The following ACAP2 variants were observed in gnomAD, a reference collection of about 807,000 sequenced individuals.
ACAP2 encodes the protein arf-GAP with coiled-coil, ANK repeat and PH domain-containing protein 2.
A neutral mutation model predicts 115.8 loss-of-function variants in ACAP2; 39 were observed. That is an observed-to-expected ratio of 0.34 (90% CI 0.26 to 0.44). The LOEUF (loss-of-function observed/expected upper bound fraction) is 0.44. Among genes scored for constraint, ACAP2 ranks in the 20% least tolerant of loss-of-function variants. The pLI is 1.00. For missense variants in ACAP2, 662 were observed against 927.6 expected, an observed-to-expected ratio of 0.71 and a Z score of 3.72; for synonymous variants, 289 against 315.8, an observed-to-expected ratio of 0.92 and a Z score of 0.90.
intron 10 of ACAP2, among the ~76,000 whole-genome samples, chr3:195,317,264 T>C (rs1389507363): frequency 6.6e-6 from 1 of 152,164 alleles, no homozygotes; most frequent in African/African-American, 2.4e-5. Context: ...AAACCCATTT[T>C]AATAAAACAT....
At chr3:195,320,662 A>C in intron 10 of ACAP2, 39 bp downstream of exon 10, 1 of 1,434,114 alleles carries the variant, frequency 7.0e-7, no homozygotes, top group Non-Finnish European at 9.8e-7. Context: ...GAAAATCAAA[A>C]CTATGTATAG....
intron 1 of ACAP2, among the ~76,000 whole-genome samples, chr3:195,438,730 C>CT (rs1022010058): frequency 8.6e-5 from 13 of 152,030 alleles, no homozygotes; most frequent in Admixed American, 8.5e-4. Flanking sequence ...CACAAACACC[C>CT]TTTTTAAAAA....
intron 4 of ACAP2, among the ~76,000 whole-genome samples, chr3:195,345,614 T>C (rs1731145169): frequency 6.6e-6 from 1 of 152,180 alleles, no homozygotes; most frequent in South Asian, 2.1e-4. Flanking sequence ...ATTCAGGCTT[T>C]GGAAGACAAC....
At chr3:195,318,459 A>G (rs753355550) in intron 10 of ACAP2, among the ~76,000 whole-genome samples, 6 of 152,200 alleles carry the variant, frequency 3.9e-5, no homozygotes, top group Non-Finnish European at 5.9e-5. Context: ...GATATGGACA[A>G]TGTAGTCCAG....
rs1407584887 is a variant in ACAP2 at position 195,341,948 on chromosome 3, CA to C, written c.528+522del. On this transcript the variant is annotated intron_variant, in intron 6 of 22. Transcript: ENST00000326793. The stretch of plus-strand genomic sequence containing the variant: ...AAGTAGGAGCTAAGTTATAGGTTCT[CA>C]GGGGCATACAGAGTGGTGTAATGTG... Among the ~76,000 whole-genome samples the C allele has an allele frequency of 4.6e-5, 7 of 152,076 alleles. No individual in the cohort carries two copies. In the East Asian group the frequency reaches 1.4e-3, roughly 29 times the overall value.
intron 13 of ACAP2, among the ~76,000 whole-genome samples, chr3:195,304,271 G>T (rs189994499): frequency 9.2e-5 from 14 of 151,688 alleles, no homozygotes; most frequent in Non-Finnish European, 1.6e-4. Context: ...TTCGATAATG[G>T]GAATTAGCAA....
At position 195,347,851 on chromosome 3, in the gene ACAP2, T is replaced by C. The variant is rs151332397; in HGVS notation, c.286-2534A>G. Among the ~76,000 whole-genome samples the C allele has an allele frequency of 6.2e-3, 935 of 152,014 alleles. 9 individuals carry two copies. Among genetic ancestry groups the C allele is most frequent in the African/African-American group, 0.02 (823 of 41,464 alleles). ...GGCAAGACCCATCTCTCTATATATA[T>C]ACATTTTCAAATGAGCCAAGCATGG... On this transcript the variant is annotated intron_variant, in intron 4 of 22. Transcript: ENST00000326793.
intron 1 of ACAP2, among the ~76,000 whole-genome samples, chr3:195,433,697 G>A (rs1159009699): frequency 6.6e-6 from 1 of 152,154 alleles, no homozygotes; most frequent in Non-Finnish European, 1.5e-5. Flanking sequence ...CATCTATTGA[G>A]ATGATTGTGT....
intron 1 of ACAP2, among the ~76,000 whole-genome samples, chr3:195,437,643 G>A (rs577278508): frequency 1.1e-4 from 17 of 151,676 alleles, no homozygotes; most frequent in African/African-American, 3.4e-4. Context: ...GTGAAACCCC[G>A]TCTCTACTAA....
intron 4 of ACAP2, among the ~76,000 whole-genome samples, chr3:195,349,013 T>C (rs1211440524): frequency 2.0e-5 from 3 of 152,068 alleles, no homozygotes; most frequent in African/African-American, 7.2e-5. Flanking sequence ...GAATATAAAA[T>C]TGTCTTTATC....
At chr3:195,372,616 G>C (rs1327279967) in intron 4 of ACAP2, among the ~76,000 whole-genome samples, 1 of 152,088 alleles carries the variant, frequency 6.6e-6, no homozygotes, top group Non-Finnish European at 1.5e-5. Context: ...GAGCTCAGGA[G>C]TTCAAGACCA....
intron 8 of ACAP2, among the ~76,000 whole-genome samples, chr3:195,332,455 T>C (rs2108627605): frequency 6.6e-6 from 1 of 152,352 alleles, no homozygotes; most frequent in East Asian, 1.9e-4. Flanking sequence ...TTTTTACCTT[T>C]GATTTCATTT....
At chr3:195,410,504 C>T (rs1351402035) in intron 1 of ACAP2, among the ~76,000 whole-genome samples, 1 of 152,134 alleles carries the variant, frequency 6.6e-6, no homozygotes, top group Non-Finnish European at 1.5e-5. Context: ...TGCAAATCAT[C>T]TGGTAAGGGA....
Position 195,279,131 on chromosome 3 carries a change from A to G in ACAP2, c.*197T>C. On this transcript the variant is annotated 3_prime_UTR_variant, in exon 23 of 23. Transcript: ENST00000326793. Reference sequence around the variant, plus strand: ...TTTAAATAGGCTTTTTTAATAAAAGAGGTCCTAAACTAGGTTCCTCTCCTA... The same window carrying G: ...TTTAAATAGGCTTTTTTAATAAAAGGGGTCCTAAACTAGGTTCCTCTCCTA... 2.4e-6 allele frequency: 1 copy of G among 419,854 alleles called. No homozygotes were observed. Among genetic ancestry groups the G allele is most frequent in the Non-Finnish European group, 4.2e-6 (1 of 240,386 alleles). The allele number at this position is 419,854 out of a possible 1,614,324, so 26.0% of individuals were successfully genotyped here.
intron 1 of ACAP2, among the ~76,000 whole-genome samples, chr3:195,419,030 C>T (rs1184487469): frequency 2.6e-5 from 4 of 152,042 alleles, no homozygotes; most frequent in African/African-American, 9.7e-5. Context: ...ATGATATTAG[C>T]CCATTTTCTA....
chr3:195,442,016 T>C (rs149036859), intron 1 of ACAP2: 1 of 152,520 alleles, frequency 6.6e-6, no homozygotes, highest in East Asian at 1.9e-4. Context: ...ACACAGGCAA[T>C]CTTCACGGCC....
At chr3:195,343,676 T>C (rs1012274080) in intron 5 of ACAP2, among the ~76,000 whole-genome samples, 25 of 152,334 alleles carry the variant, frequency 1.6e-4, no homozygotes, top group African/African-American at 6.0e-4. Context: ...ACATCAGCAA[T>C]GAATAACAGT....
chr3:195,399,739 C>T (rs1290031198), intron 1 of ACAP2, among the ~76,000 whole-genome samples: 1 of 152,004 alleles, frequency 6.6e-6, no homozygotes, highest in Non-Finnish European at 1.5e-5. Flanking sequence ...CAAATCACAG[C>T]ACAAGGTTGA....
At position 195,322,798 on chromosome 3, in the gene ACAP2, G is replaced by A. The variant is rs193294237; in HGVS notation, c.745-1985C>T. ...CTTAAAAGACTTCTTTGAAAGTGCA[G>A]GGCATTACAAGTGTTTCTCTAATTT... On this transcript the variant is annotated intron_variant, in intron 9 of 22. Transcript: ENST00000326793. Among the ~76,000 whole-genome samples the A allele has an allele frequency of 1.2e-4, 18 of 152,158 alleles. No individual in the cohort carries two copies. The East Asian group carries it at 1.9e-3, about 16-fold the overall frequency.
Sources: allele counts gnomAD v4.1 joint callset (sites outside exome capture counted in the v4.1 genomes callset), GRCh38; gene constraint gnomAD v4.1.1; transcripts MANE v1.5; gene names NCBI Gene and HGNC (gene_info 2026-07-23, HGNC 2026-07-21).